CACNB2: variants seen among roughly 807,000 people sequenced by gnomAD.
CACNB2 encodes calcium voltage-gated channel auxiliary subunit beta 2, also known as voltage-dependent L-type calcium channel subunit beta-2.
Under a neutral mutation model 73.3 loss-of-function variants are expected in CACNB2, and 42 were observed. The ratio of observed to expected loss-of-function variants is 0.57; its 90% CI spans 0.45 to 0.74. CACNB2 has a LOEUF of 0.74. Among genes scored for constraint, CACNB2 ranks in the 30% least tolerant of loss-of-function variants. The pLI is 0.00. For missense variants in CACNB2, 940 were observed against 853.0 expected (o/e 1.10, Z -1.27); for synonymous variants, 348 against 310.3 (o/e 1.12, Z -1.28).
intron 2 of CACNB2, among the ~76,000 whole-genome samples, chr10:18,214,788 T>G (rs144575068): frequency 2.6e-5 from 4 of 152,120 alleles, no homozygotes; most frequent in Non-Finnish European, 4.4e-5. Context: ...TAGGACACAT[T>G]TGGGGGCTTG....
At chr10:18,181,065 GAA>G (rs34924301) in intron 2 of CACNB2, among the ~76,000 whole-genome samples, 3 of 117,886 alleles carry the variant, frequency 2.5e-5, no homozygotes, top group African/African-American at 3.1e-5. Flanking sequence ...AGCCAAAATA[GAA>G]AAAAAAAAAA....
At chr10:18,327,672 C>A (rs1484902501) in intron 2 of CACNB2, among the ~76,000 whole-genome samples, 1 of 152,202 alleles carries the variant, frequency 6.6e-6, no homozygotes, top group Non-Finnish European at 1.5e-5. Flanking sequence ...AGTCTGCCCA[C>A]CTCGGCCTCC....
intron 2 of CACNB2, among the ~76,000 whole-genome samples, chr10:18,371,209 G>GT (rs78205139): frequency 0.24 from 36,127 of 151,304 alleles, 4,865 homozygotes; most frequent in East Asian, 0.67. Context: ...TTTTTATTTT[G>GT]TTTTTTTTAA....
At chr10:18,311,540 T>C (rs2039966197) in intron 2 of CACNB2, among the ~76,000 whole-genome samples, 1 of 152,206 alleles carries the variant, frequency 6.6e-6, no homozygotes, top group African/African-American at 2.4e-5. Flanking sequence ...ACACATGTGT[T>C]GTGTTGTATG....
intron 2 of CACNB2, among the ~76,000 whole-genome samples, chr10:18,250,604 A>C (rs1208369427): frequency 6.6e-6 from 1 of 152,070 alleles, no homozygotes; most frequent in African/African-American, 2.4e-5. Context: ...CTATGGACGA[A>C]TGTCTTTTAT....
chr10:18,252,362 G>A (rs1031238261), intron 2 of CACNB2, among the ~76,000 whole-genome samples: 1 of 152,148 alleles, frequency 6.6e-6, no homozygotes, highest in African/African-American at 2.4e-5. Flanking sequence ...TGAGCATTTG[G>A]TTTATTTTAA....
At chr10:18,381,179 T>C (rs2042999731) in intron 2 of CACNB2, among the ~76,000 whole-genome samples, 1 of 151,080 alleles carries the variant, frequency 6.6e-6, no homozygotes, top group Non-Finnish European at 1.5e-5. Flanking sequence ...TTGTCAGTAA[T>C]CACAGGTCAC....
chr10:18,461,558 G>T (rs1374529831), intron 3 of CACNB2, among the ~76,000 whole-genome samples: 2 of 152,004 alleles, frequency 1.3e-5, no homozygotes, highest in South Asian at 2.1e-4. Context: ...TTTTTCCACA[G>T]GTGGGGAGGG....
chr10:18,542,389 T>A lies in CACNB2; in HGVS notation c.*2665T>A, dbSNP rs950071082. 4 of 152,202 alleles carry A rather than the reference T, an allele frequency of 2.6e-5. No individual in the cohort carries two copies. Among genetic ancestry groups the A allele is most frequent in the Non-Finnish European group, 4.4e-5 (3 of 68,034 alleles). 9.4% of individuals were successfully genotyped at this position (152,202 alleles called of 1,614,324 possible). A position where few individuals can be genotyped will look rare whatever the true frequency, so the allele number is the denominator to read the frequency against. On this transcript the variant is annotated 3_prime_UTR_variant, in exon 14 of 14. Transcript: ENST00000324631. ...ATTAAAATTGAATTTATAAAATATT[T>A]CTGATAAAACTTTTGTCATGGTAAG...
intron 3 of CACNB2, among the ~76,000 whole-genome samples, chr10:18,491,996 C>T (rs920728386): frequency 1.3e-5 from 2 of 152,086 alleles, no homozygotes; most frequent in African/African-American, 2.4e-5. Context: ...GTTCTGCAAG[C>T]TGTACAGGAA....
chr10:18,142,037 G>T (rs867768843), intron 1 of CACNB2, among the ~76,000 whole-genome samples: 6 of 152,296 alleles, frequency 3.9e-5, no homozygotes, highest in Middle Eastern at 3.4e-3. Flanking sequence ...GGGGGCAGGA[G>T]TGTGACAAGC....
chr10:18,353,047 A>G (rs754796986), intron 2 of CACNB2, among the ~76,000 whole-genome samples: 2 of 152,252 alleles, frequency 1.3e-5, no homozygotes, highest in African/African-American at 4.8e-5. Context: ...TTAGAGAAAT[A>G]TGATTGCTAT....
intron 3 of CACNB2, among the ~76,000 whole-genome samples, chr10:18,448,671 G>T (rs377130747): frequency 6.6e-6 from 1 of 152,082 alleles, no homozygotes; most frequent in Non-Finnish European, 1.5e-5. Flanking sequence ...TGCTGATGCA[G>T]TTGACCTGGG....
chr10:18,148,147 C>G (rs2031178070), intron 1 of CACNB2, among the ~76,000 whole-genome samples: 1 of 151,502 alleles, frequency 6.6e-6, no homozygotes, highest in Non-Finnish European at 1.5e-5. Flanking sequence ...AGTAAAATAA[C>G]AGAATAGAGA....
chr10:18,420,431 G>A (rs1193919769), intron 3 of CACNB2, among the ~76,000 whole-genome samples: 2 of 152,142 alleles, frequency 1.3e-5, no homozygotes, highest in Non-Finnish European at 2.9e-5. Flanking sequence ...TCTGCCAACT[G>A]TAACTGGGGA....
At chr10:18,466,315 A>G (rs1400656098) in intron 3 of CACNB2, among the ~76,000 whole-genome samples, 1 of 152,134 alleles carries the variant, frequency 6.6e-6, no homozygotes. Flanking sequence ...AGCTCACTGC[A>G]GCCTCAAACT....
Position 18,150,879 on chromosome 10 carries a change from T to TTTTTTTTTTTTG in CACNB2, c.121-3_121-2insTTTTTTTTTTGT, listed in dbSNP as rs769211879. 1.0e-4 allele frequency: 129 copies of TTTTTTTTTTTTG among 1,259,778 alleles called. 11 individuals are homozygous for TTTTTTTTTTTTG. Among genetic ancestry groups the TTTTTTTTTTTTG allele is most frequent in the South Asian group, 2.7e-4 (19 of 71,150 alleles). 78.0% of individuals were successfully genotyped at this position (1,259,778 alleles called of 1,614,324 possible). ...TCTTTTTTTTTTTTTTTTTTTTTTT[T>TTTTTTTTTTTTG]TAGTCATATGGAAAAGGAGCCAGAA... is the stretch of plus-strand genomic sequence containing the variant. On this transcript the variant is annotated splice_polypyrimidine_tract_variant and splice_region_variant and intron_variant, in intron 1 of 13. Coordinates refer to ENST00000324631, the MANE Select transcript of CACNB2 (RefSeq NM_201596.3).
At chr10:18,535,067 G>T (rs1420742302) in intron 11 of CACNB2, among the ~76,000 whole-genome samples, 1 of 152,164 alleles carries the variant, frequency 6.6e-6, no homozygotes, top group Non-Finnish European at 1.5e-5. Context: ...TAATATTAAT[G>T]AATATGATGT....
intron 2 of CACNB2, among the ~76,000 whole-genome samples, chr10:18,289,608 T>C (rs984579529): frequency 6.6e-6 from 1 of 152,016 alleles, no homozygotes; most frequent in African/African-American, 2.4e-5. Flanking sequence ...TTGTCTTCAT[T>C]TTGAGTAAGA....
Sources: gnomAD v4.1 joint callset for allele counts (sites outside exome capture counted in the v4.1 genomes callset) on GRCh38, gnomAD v4.1.1 for gene constraint, MANE v1.5 for transcripts, NCBI Gene and HGNC (gene_info 2026-07-23, HGNC 2026-07-21) for gene names.